The following ATXN1 variants were observed in gnomAD, a reference collection of about 807,000 sequenced individuals.
The protein encoded by ATXN1 is ataxin 1, also known as ataxin-1.
Under a neutral mutation model 56.4 loss-of-function variants are expected in ATXN1, and 8 were observed. The observed-to-expected ratio is 0.14, with a 90% CI of 0.08 to 0.26. The LOEUF is 0.26. Ranked by LOEUF, ATXN1 falls within the 10% of genes least tolerant of loss-of-function variation. The pLI is 1.00. For synonymous variants in ATXN1, 514 were observed against 494.6 expected (o/e 1.04, Z -0.52); for missense variants, 987 against 1,106.5 (o/e 0.89, Z 1.53).
intron 6 of ATXN1, among the ~76,000 whole-genome samples, chr6:16,476,074 T>C (rs1010915231): frequency 6.6e-6 from 1 of 152,154 alleles, no homozygotes; most frequent in African/African-American, 2.4e-5. Flanking sequence ...GGTTTCACCA[T>C]GTTGGCCAGG....
intron 5 of ATXN1, among the ~76,000 whole-genome samples, chr6:16,489,653 T>C (rs1296748177): frequency 6.6e-6 from 1 of 152,008 alleles, no homozygotes; most frequent in Non-Finnish European, 1.5e-5. Context: ...TGAAGCAGCA[T>C]CAGAAATGGC....
chr6:16,541,378 C>T (rs1317844344), intron 4 of ATXN1, among the ~76,000 whole-genome samples: 1 of 152,192 alleles, frequency 6.6e-6, no homozygotes, highest in African/African-American at 2.4e-5. Flanking sequence ...AGCAGAGGGA[C>T]CTGTTCTTAG....
Position 16,326,175 on chromosome 6 carries a change from C to T in ATXN1, c.1917+219G>A, listed in dbSNP as rs1295972656. 6.6e-6 allele frequency among the ~76,000 whole-genome samples: 1 copy of T among 152,232 alleles called. No individual in the cohort carries two copies. The highest frequency in any genetic ancestry group is 1.5e-5 in the Non-Finnish European group (1 of 68,046). On this transcript the variant is annotated intron_variant, in intron 7 of 7. Coordinates refer to ENST00000436367, the MANE Select transcript of ATXN1 (RefSeq NM_001128164.2). The surrounding 1 kb of genome is among the most constrained non-coding windows in gnomAD (Gnocchi z 6.6). ...CTCAAGGACTCCATAACTAGCCCCA[C>T]TCTCCATGCATGGAGGTTAATTCAT...
intron 3 of ATXN1, among the ~76,000 whole-genome samples, chr6:16,627,400 A>G (rs766499186): frequency 6.6e-6 from 1 of 152,080 alleles, no homozygotes. Context: ...TGCTTCTTGA[A>G]CCATTTCATA....
At chr6:16,606,867 T>TGTGTGTGTGTGTGTGTGTGTGTGTG (rs1554119511) in intron 3 of ATXN1, among the ~76,000 whole-genome samples, 72 of 126,808 alleles carry the variant, frequency 5.7e-4, no homozygotes, top group East Asian at 4.8e-3. Context: ...GTTCCATGAG[T>TGTGTGTGTGTGTGTGTGTGTGTGTG]TGTGTGTGTG....
At chr6:16,713,588 G>T (rs889226169) in intron 2 of ATXN1, among the ~76,000 whole-genome samples, 21 of 152,338 alleles carry the variant, frequency 1.4e-4, no homozygotes, top group African/African-American at 4.8e-4. Flanking sequence ...TTCAGTGTGT[G>T]TATATGAAGA....
At chr6:16,497,951 G>C (rs1760810358) in intron 5 of ATXN1, among the ~76,000 whole-genome samples, 1 of 152,202 alleles carries the variant, frequency 6.6e-6, no homozygotes, top group African/African-American at 2.4e-5. Context: ...TGCAGGATTA[G>C]AGAAGAGATG....
At chr6:16,433,249 A>G (rs1452102118) in intron 6 of ATXN1, among the ~76,000 whole-genome samples, 1 of 152,238 alleles carries the variant, frequency 6.6e-6, no homozygotes, top group Non-Finnish European at 1.5e-5. Flanking sequence ...TGAGTACATT[A>G]TCTACTGCTA....
rs71559655 is a variant in ATXN1 at position 16,731,454 on chromosome 6, C to CTTTTTTTTTTTTTTTTTTTTTTTT, written c.-615+21755_-615+21778dup. On this transcript the variant is annotated intron_variant, in intron 2 of 7. Coordinates refer to ENST00000436367, the MANE Select transcript of ATXN1 (RefSeq NM_001128164.2). ...ACGAGAGAGGCTTTTTTTTTCTTTT[C>CTTTTTTTTTTTTTTTTTTTTTTTT]TTTTTTTTTTTTTTTTTTTTTTTTT... 7.3e-5 allele frequency among the ~76,000 whole-genome samples: 6 copies of CTTTTTTTTTTTTTTTTTTTTTTTT among 81,790 alleles called. 1 individual carries two copies. The highest frequency in any genetic ancestry group is 1.2e-4 in the African/African-American group (3 of 26,064). The allele number at this position is 81,790 out of a possible 152,430, so 53.7% of individuals were successfully genotyped here.
At chr6:16,404,662 C>T (rs1209715508) in intron 6 of ATXN1, among the ~76,000 whole-genome samples, 2 of 151,928 alleles carry the variant, frequency 1.3e-5, no homozygotes, top group African/African-American at 2.4e-5. Flanking sequence ...CAGCCCCCAC[C>T]ACATGTGCAC....
intron 3 of ATXN1, among the ~76,000 whole-genome samples, chr6:16,608,230 GCTCT>G (rs1041553643): frequency 2.0e-5 from 3 of 152,306 alleles, no homozygotes; most frequent in Non-Finnish European, 4.4e-5. Flanking sequence ...TGCCTATCCA[GCTCT>G]CTCTCTTTCT....
At chr6:16,570,671 C>A (rs911879241) in intron 4 of ATXN1, among the ~76,000 whole-genome samples, 1 of 152,148 alleles carries the variant, frequency 6.6e-6, no homozygotes, top group Non-Finnish European at 1.5e-5. Flanking sequence ...GGAGAAGAGA[C>A]TGAAGAAAGA....
intron 6 of ATXN1, among the ~76,000 whole-genome samples, chr6:16,334,412 A>G (rs905128831): frequency 1.3e-5 from 2 of 152,200 alleles, no homozygotes; most frequent in Non-Finnish European, 2.9e-5. Flanking sequence ...AGGGTTCTTA[A>G]AAAGTATAGT....
chr6:16,533,420 T>C (rs1266598827), intron 4 of ATXN1, among the ~76,000 whole-genome samples: 1 of 152,152 alleles, frequency 6.6e-6, no homozygotes, highest in African/African-American at 2.4e-5. Context: ...AGGAATCACT[T>C]GGACTAAAAA....
intron 6 of ATXN1, among the ~76,000 whole-genome samples, chr6:16,363,337 T>C (rs1262520027): frequency 1.3e-5 from 2 of 152,262 alleles, no homozygotes; most frequent in Non-Finnish European, 2.9e-5. Flanking sequence ...AATTCCATGA[T>C]GTGCCATATG....
intron 3 of ATXN1, among the ~76,000 whole-genome samples, chr6:16,648,330 T>C (rs149935700): frequency 5.0e-4 from 76 of 152,290 alleles, no homozygotes; most frequent in African/African-American, 1.8e-3. Flanking sequence ...ACCTACTATA[T>C]TGAGAGGCAC....
intron 3 of ATXN1, among the ~76,000 whole-genome samples, chr6:16,641,417 T>G (rs1397276928): frequency 6.6e-6 from 1 of 152,224 alleles, no homozygotes; most frequent in African/African-American, 2.4e-5. Context: ...AATGCTCATT[T>G]ACCATTCCAA....
intron 6 of ATXN1, among the ~76,000 whole-genome samples, chr6:16,379,889 T>G (rs1762217037): frequency 6.6e-6 from 1 of 152,020 alleles, no homozygotes. Flanking sequence ...ATAAGTGGCT[T>G]AAAAAGTAAG....
intron 3 of ATXN1, among the ~76,000 whole-genome samples, chr6:16,622,865 T>C (rs1212019396): frequency 6.8e-6 from 1 of 147,608 alleles, no homozygotes; most frequent in Non-Finnish European, 1.5e-5. Context: ...GCTTCTAGCC[T>C]TTTTTTTTTA....
Sources: gnomAD v4.1 joint callset for allele counts (sites outside exome capture counted in the v4.1 genomes callset) on GRCh38, gnomAD v4.1.1 for gene constraint, Gnocchi (gnomAD v3.1) non-coding constraint, MANE v1.5 for transcripts, NCBI Gene and HGNC (gene_info 2026-07-23, HGNC 2026-07-21) for gene names.